The following LDLRAP1 variants were observed in gnomAD, a reference collection of about 807,000 sequenced individuals.
LDLRAP1 encodes low density lipoprotein receptor adapter protein 1.
A neutral mutation model predicts 37.8 loss-of-function variants in LDLRAP1; 30 were observed. The observed-to-expected ratio is 0.79, with a 90% CI of 0.59 to 1.08. The LOEUF is 1.08. Ranked by LOEUF, LDLRAP1 falls within the 50% of genes least tolerant of loss-of-function variation. The pLI is 0.00. For synonymous variants in LDLRAP1, 156 were observed against 169.8 expected (o/e 0.92, Z 0.63); for missense variants, 375 against 401.6 (o/e 0.93, Z 0.57).
chr1:25,563,244 C>T, intron 6 of LDLRAP1, 91 bp downstream of exon 6: 2 of 1,025,404 alleles, frequency 2.0e-6, no homozygotes, highest in Admixed American at 2.3e-5. Flanking sequence ...GCTGGGAGAG[C>T]CTCTTGGTTT....
At chr1:25,553,770 CAAAA>C (rs34367689) in intron 1 of LDLRAP1, 148 bp from the exon 2 acceptor site, 1,651 of 596,698 alleles carry the variant, frequency 2.8e-3, no homozygotes, top group Middle Eastern at 3.4e-3. Flanking sequence ...AACTCAGTCT[CAAAA>C]AAAAAAAAAA....
At chr1:25,563,183 C>CA (rs2044388318) in intron 6 of LDLRAP1, 30 bp downstream of exon 6, 1 of 1,596,254 alleles carries the variant, frequency 6.3e-7, no homozygotes, top group Admixed American at 1.7e-5. Flanking sequence ...GGGGATTGGC[C>CA]ATGCGGTGTT....
Position 25,567,138 on chromosome 1 carries a change from G to A in LDLRAP1, c.*146G>A. ...TGAAGATCAGAGCTGCAGCCAGTCA[G>A]GCAGGGGAGAGATTTTTCTTTTAAG... On this transcript the variant is annotated 3_prime_UTR_variant, in exon 9 of 9. Transcript: ENST00000374338. The A allele has an allele frequency of 5.1e-6, 5 of 989,134 alleles. No homozygotes were observed. Among genetic ancestry groups the A allele is most frequent in the Non-Finnish European group, 7.7e-6 (5 of 650,546 alleles). The allele number at this position is 989,134 out of a possible 1,614,324, so 61.3% of individuals were successfully genotyped here.
chr1:25,565,911 G>T (rs149988544), intron 8 of LDLRAP1, among the ~76,000 whole-genome samples: 6 of 152,214 alleles, frequency 3.9e-5, no homozygotes, highest in African/African-American at 1.4e-4. Flanking sequence ...AGCGATTTTT[G>T]GTCCAGCGGG....
In LDLRAP1 at chr1:25,554,728, G is replaced by GC. The variant is rs2044158120; in HGVS notation, c.232-129dup. The GC allele has an allele frequency of 1.4e-6, 1 of 725,686 alleles. No individual in the cohort carries two copies. Among genetic ancestry groups the GC allele is most frequent in the East Asian group, 2.7e-5 (1 of 37,352 alleles). 45.0% of individuals were successfully genotyped at this position (725,686 alleles called of 1,614,324 possible). ...AAGAAGGTGCTGGCTGAGTGGTCTT[G>GC]CCCACACTGCTGCCAGTCACCTGAG... is the stretch of plus-strand genomic sequence containing the variant. On this transcript the variant is annotated intron_variant, in intron 2 of 8. Coordinates refer to ENST00000374338, the MANE Select transcript of LDLRAP1 (RefSeq NM_015627.3). The surrounding 1 kb of genome is among the most constrained non-coding windows in gnomAD (Gnocchi z 5.4).
Position 25,562,651 on chromosome 1 carries a change from C to T in LDLRAP1, c.467C>T (p.Ala156Val), listed in dbSNP as rs373907530. 23 of 1,614,126 alleles carry T rather than the reference C, an allele frequency of 1.4e-5. No homozygotes were observed. In the African/African-American group the frequency reaches 3.1e-4, roughly 22 times the overall value. ...FLCTKRKMAQ[A>V]VTLTVAQAFK... is the part of the protein sequence containing the mutation. ...CCCACTTCCTGTTTTCAGGCACAGGCTGTTACCCTCACCGTAGCCCAGGCC... is the reference window on the plus strand; with the variant it reads ...CCCACTTCCTGTTTTCAGGCACAGGTTGTTACCCTCACCGTAGCCCAGGCC... The change falls in exon 5 of 9, where the codon GCT (alanine) becomes GTT (valine). Residue 156 changes from alanine to valine, a missense_variant. Physicochemically the swap from Ala to Val is moderately conservative, Grantham distance 64 (BLOSUM62 0). Coordinates refer to ENST00000374338, the MANE Select transcript of LDLRAP1 (RefSeq NM_015627.3).
At chr1:25,577,621 C>G in the LDLRAP1 span, among the ~76,000 whole-genome samples, 1 of 152,126 alleles carries the variant, frequency 6.6e-6, no homozygotes, top group African/African-American at 2.4e-5. Context: ...TGAAGTTAGA[C>G]GAGGAGGGGA....
At chr1:25,579,985 C>A in the LDLRAP1 span, among the ~76,000 whole-genome samples, 1 of 152,090 alleles carries the variant, frequency 6.6e-6, no homozygotes, top group Non-Finnish European at 1.5e-5. Context: ...GGAAACTGAC[C>A]CTCGCTAATT....
downstream of LDLRAP1, among the ~76,000 whole-genome samples, chr1:25,569,309 G>C (rs555323829): frequency 3.3e-5 from 5 of 152,320 alleles, no homozygotes; most frequent in South Asian, 1.0e-3. Context: ...CTTGCTCCGG[G>C]CTGAACGTGG....
intron 5 of LDLRAP1, 57 bp downstream of exon 5, chr1:25,562,773 C>A: frequency 6.6e-7 from 1 of 1,504,860 alleles, no homozygotes; most frequent in Non-Finnish European, 9.2e-7. Context: ...CACATAAAGG[C>A]CCTGGGGTCA....
the LDLRAP1 span, among the ~76,000 whole-genome samples, chr1:25,589,441 A>T: frequency 6.6e-6 from 1 of 152,188 alleles, no homozygotes; most frequent in East Asian, 1.9e-4. Flanking sequence ...TAGCTGGTAA[A>T]CCCATTATCA....
At chr1:25,583,562 ATTG>A in the LDLRAP1 span, among the ~76,000 whole-genome samples, 17 of 148,628 alleles carry the variant, frequency 1.1e-4, no homozygotes, top group African/African-American at 4.0e-4. Flanking sequence ...TAGATTTGTT[ATTG>A]TTGTTGTATT....
chr1:25,566,729 C>A, intron 8 of LDLRAP1, 119 bp from the exon 9 acceptor site: 1 of 1,260,838 alleles, frequency 7.9e-7, no homozygotes, highest in Non-Finnish European at 1.1e-6. Context: ...TCCCCTGCAC[C>A]GGGGGCTTCC....
chr1:25,589,946 C>CA, the LDLRAP1 span, among the ~76,000 whole-genome samples: 2 of 152,228 alleles, frequency 1.3e-5, no homozygotes, highest in East Asian at 3.9e-4. Context: ...ACTAAAAATA[C>CA]AAAAAAATTA....
chr1:25,573,725 G>C (rs1370440067), downstream of LDLRAP1, among the ~76,000 whole-genome samples: 1 of 152,216 alleles, frequency 6.6e-6, no homozygotes, highest in Non-Finnish European at 1.5e-5. Context: ...GGACAGCCAT[G>C]TGAGGCCATG....
At chr1:25,553,633 C>T (rs1287907043) in intron 1 of LDLRAP1, 2 of 426,572 alleles carry the variant, frequency 4.7e-6, no homozygotes, top group South Asian at 2.2e-5. Flanking sequence ...GGGCAGATCA[C>T]TTGGGGTCAG....
At chr1:25,563,583 G>T in intron 6 of LDLRAP1, 78 bp from the exon 7 acceptor site, 1 of 1,590,498 alleles carries the variant, frequency 6.3e-7, no homozygotes, top group Non-Finnish European at 8.5e-7. Context: ...GGGAGGGTCA[G>T]GGCCAGGACA....
At chr1:25,564,061 A>C in intron 7 of LDLRAP1, 1 of 491,670 alleles carries the variant, frequency 2.0e-6, no homozygotes, top group Non-Finnish European at 3.7e-6. Flanking sequence ...TCTGCCCACC[A>C]CAAGACCAGC....
At chr1:25,570,410 C>T (rs1372336587), downstream of LDLRAP1, among the ~76,000 whole-genome samples, 1 of 152,152 alleles carries the variant, frequency 6.6e-6, no homozygotes, top group Non-Finnish European at 1.5e-5. Flanking sequence ...GGTCTGCTCT[C>T]CCAGGAAGAG....
Sources: allele counts gnomAD v4.1 joint callset (sites outside exome capture counted in the v4.1 genomes callset), GRCh38; gene constraint gnomAD v4.1.1; non-coding constraint Gnocchi (gnomAD v3.1); transcripts MANE v1.5; gene names NCBI Gene and HGNC (gene_info 2026-07-23, HGNC 2026-07-21).